Variants in FAM120A observed in about 807,000 individuals in gnomAD.
The protein encoded by FAM120A is constitutive coactivator of PPAR-gamma-like protein 1.
A neutral mutation model predicts 109.7 loss-of-function variants in FAM120A; 15 were observed. The ratio of observed to expected loss-of-function variants is 0.14; its 90% CI spans 0.09 to 0.21. The LOEUF is 0.21. FAM120A is among the 10% of genes least tolerant of loss of function. The pLI is 1.00. For missense variants in FAM120A, 899 were observed against 1,439.3 expected, an observed-to-expected ratio of 0.62 and a Z score of 6.07; for synonymous variants, 493 against 572.8, an observed-to-expected ratio of 0.86 and a Z score of 1.99.
chr9:93,528,083 A>C (rs1016120586), intron 8 of FAM120A, among the ~76,000 whole-genome samples: 1 of 152,206 alleles, frequency 6.6e-6, no homozygotes, highest in Non-Finnish European at 1.5e-5. Flanking sequence ...TGAATATCAG[A>C]CGTTTGTCTA....
chr9:93,561,935 G>A (rs1362882637), intron 16 of FAM120A, among the ~76,000 whole-genome samples: 2 of 152,140 alleles, frequency 1.3e-5, no homozygotes, highest in East Asian at 3.8e-4. Context: ...AAATAAGATT[G>A]ATTCCTTGGA....
rs1054936657 is a variant in FAM120A, at chr9:93,532,943, G to C, written c.1909+614G>C. 6.6e-6 allele frequency among the ~76,000 whole-genome samples: 1 copy of C among 152,160 alleles called. No individual in the cohort carries two copies. The highest frequency in any genetic ancestry group is 1.9e-4 in the East Asian group (1 of 5,196). ...ACTGAAAAGGATTGTTTGAAAAGTT[G>C]GTCAAAGATGAGGTCAAAGCATTTT... is the stretch of plus-strand genomic sequence containing the variant. On this transcript the variant is annotated intron_variant, in intron 10 of 17. Transcript: ENST00000277165. The surrounding 1 kb of genome is among the most constrained non-coding windows in gnomAD (Gnocchi z 4.3).
chr9:93,558,864 T>C, intron 15 of FAM120A, 146 bp downstream of exon 15: 1 of 865,348 alleles, frequency 1.2e-6, no homozygotes, highest in Non-Finnish European at 1.7e-6. Flanking sequence ...TGACCCTCAT[T>C]GACCACTCCT....
intron 7 of FAM120A, among the ~76,000 whole-genome samples, chr9:93,526,347 C>T (rs1260220007): frequency 6.6e-6 from 1 of 152,176 alleles, no homozygotes. Context: ...GGAAATAATG[C>T]TTATTCACAC....
intron 11 of FAM120A, among the ~76,000 whole-genome samples, chr9:93,547,319 G>A (rs967835392): frequency 6.6e-6 from 1 of 152,224 alleles, no homozygotes; most frequent in Admixed American, 6.5e-5. Flanking sequence ...CAGGGATGGA[G>A]GGCATAAGGC....
At chr9:93,522,192 G>A (rs1211198482) in intron 7 of FAM120A, among the ~76,000 whole-genome samples, 1 of 152,182 alleles carries the variant, frequency 6.6e-6, no homozygotes, top group East Asian at 1.9e-4. Flanking sequence ...TGAGGTTACT[G>A]TATTACAATT....
At chr9:93,488,109 T>C (rs1859143788) in intron 3 of FAM120A, among the ~76,000 whole-genome samples, 1 of 152,266 alleles carries the variant, frequency 6.6e-6, no homozygotes, top group Non-Finnish European at 1.5e-5. Context: ...CCTGGCCTTC[T>C]TGAGCGTTTG....
chr9:93,561,306 C>A, intron 16 of FAM120A, 56 bp downstream of exon 16: 1 of 1,520,362 alleles, frequency 6.6e-7, no homozygotes, highest in Non-Finnish European at 8.8e-7. Context: ...CAGCTTCTAA[C>A]TTGCTTTTTT....
chr9:93,452,133 A>G lies in FAM120A; in HGVS notation c.218A>G (p.His73Arg). 1.2e-6 allele frequency: 2 copies of G among 1,611,534 alleles called. No homozygotes were observed. Among genetic ancestry groups the G allele is most frequent in the Non-Finnish European group, 1.7e-6 (2 of 1,179,698 alleles). The change falls in exon 1 of 18, where the codon CAC becomes CGC. Residue 73 changes from histidine to arginine, a missense_variant. Transcript: ENST00000277165. This position sits in a 1 kb window ranked among gnomAD's most constrained non-coding sequence, Gnocchi z 7.0. Reference protein sequence around the residue: ...TDWVSGGQWNHMLGYLAALAK... With the variant: ...TDWVSGGQWNRMLGYLAALAK... Reference sequence around the variant, plus strand: ...TGGGTCAGCGGCGGCCAGTGGAACCACATGCTTGGCTACCTGGCGGCGCTG... The same window carrying G: ...TGGGTCAGCGGCGGCCAGTGGAACCGCATGCTTGGCTACCTGGCGGCGCTG...
At chr9:93,511,497 C>A (rs1860321242) in intron 5 of FAM120A, among the ~76,000 whole-genome samples, 1 of 152,234 alleles carries the variant, frequency 6.6e-6, no homozygotes, top group Admixed American at 6.5e-5. Context: ...CCGCGCCCTC[C>A]CACTGTGCTC....
intron 7 of FAM120A, among the ~76,000 whole-genome samples, chr9:93,519,252 T>A (rs1024739630): frequency 6.6e-6 from 1 of 152,158 alleles, no homozygotes; most frequent in African/African-American, 2.4e-5. Context: ...TATTTTTAAA[T>A]TTTTTTGAGA....
chr9:93,545,934 G>A lies in FAM120A; in HGVS notation c.2159+2463G>A, dbSNP rs530092586. ...CCAAGTAGCTGGATTACAGGCATGC[G>A]CCACCACGCCCGGCTAATTTTTTGT... is the stretch of plus-strand genomic sequence containing the variant. On this transcript the variant is annotated intron_variant, in intron 11 of 17. Coordinates refer to ENST00000277165, the MANE Select transcript of FAM120A (RefSeq NM_014612.5). Among the ~76,000 whole-genome samples, 6 of 151,434 alleles carry A rather than the reference G, an allele frequency of 4.0e-5. No homozygotes were observed. In the Middle Eastern group the frequency reaches 0.01, roughly 259 times the overall value.
At position 93,498,721 on chromosome 9, in the gene FAM120A, TA is replaced by T; in HGVS notation, c.934-63del. 1 of 898,964 alleles carries T rather than the reference TA, an allele frequency of 1.1e-6. No homozygotes were observed. Among genetic ancestry groups the T allele is most frequent in the Non-Finnish European group, 1.9e-6 (1 of 535,286 alleles). 55.7% of individuals were successfully genotyped at this position (898,964 alleles called of 1,614,324 possible). On this transcript the variant is annotated intron_variant, in intron 4 of 17. Coordinates refer to ENST00000277165, the MANE Select transcript of FAM120A (RefSeq NM_014612.5). This position sits in a 1 kb window ranked among gnomAD's most constrained non-coding sequence, Gnocchi z 4.4. Reference sequence around the variant, plus strand: ...AGAATATTATACATGTGCTGAATTATAAAAAACATTGTGATACACATGACCA... The same window carrying T: ...AGAATATTATACATGTGCTGAATTATAAAAACATTGTGATACACATGACCA...
intron 3 of FAM120A, among the ~76,000 whole-genome samples, chr9:93,492,852 A>G (rs995911345): frequency 1.3e-5 from 2 of 152,224 alleles, no homozygotes; most frequent in Admixed American, 6.5e-5. Flanking sequence ...GGGGATAGTG[A>G]TGACAAGGAT....
At chr9:93,527,346 G>C (rs1003166419) in intron 8 of FAM120A, 104 bp downstream of exon 8, 2 of 853,418 alleles carry the variant, frequency 2.3e-6, no homozygotes, top group Non-Finnish European at 1.9e-6. Context: ...TCTTTTAATC[G>C]GGTCATGTAA....
At chr9:93,534,134 C>A (rs1439926532) in intron 10 of FAM120A, among the ~76,000 whole-genome samples, 1 of 152,176 alleles carries the variant, frequency 6.6e-6, no homozygotes, top group Non-Finnish European at 1.5e-5. Flanking sequence ...ATGCTAGCTC[C>A]CCATCAGCTG....
intron 2 of FAM120A, among the ~76,000 whole-genome samples, chr9:93,474,883 G>A (rs181308503): frequency 1.3e-5 from 2 of 152,294 alleles, no homozygotes; most frequent in African/African-American, 2.4e-5. Context: ...GTGAGCCACC[G>A]TGCCCGGCCA....
intron 9 of FAM120A, chr9:93,530,924 G>C (rs1861303614): frequency 6.6e-6 from 1 of 152,190 alleles, no homozygotes; most frequent in Non-Finnish European, 1.5e-5. Context: ...TAGTCGGTTA[G>C]ATCTATATGA....
intron 5 of FAM120A, among the ~76,000 whole-genome samples, chr9:93,510,319 G>A (rs753270673): frequency 8.5e-5 from 13 of 152,328 alleles, no homozygotes; most frequent in African/African-American, 2.4e-4. Context: ...CTTAAAAATC[G>A]AATGTTTTGG....
Sources: gnomAD v4.1 joint callset for allele counts (sites outside exome capture counted in the v4.1 genomes callset) on GRCh38, gnomAD v4.1.1 for gene constraint, Gnocchi (gnomAD v3.1) non-coding constraint, MANE v1.5 for transcripts, NCBI Gene and HGNC (gene_info 2026-07-23, HGNC 2026-07-21) for gene names.